Variants in RASGRP1 observed in about 807,000 individuals in gnomAD.
The protein encoded by RASGRP1 is RAS guanyl-releasing protein 1.
Under a neutral mutation model 95.1 loss-of-function variants are expected in RASGRP1, and 37 were observed. The ratio of observed to expected loss-of-function variants is 0.39; its 90% CI spans 0.30 to 0.51. The LOEUF is 0.51. Among genes scored for constraint, RASGRP1 ranks in the 20% least tolerant of loss-of-function variants. The probability of loss-of-function intolerance (pLI) is 0.80; values close to 1 mark genes in which losing one functional copy is unlikely to be tolerated. For missense variants in RASGRP1, 711 were observed against 965.4 expected (o/e 0.74, Z 3.49); for synonymous variants, 325 against 353.4 (o/e 0.92, Z 0.90).
chr15:38,551,369 C>T (rs180995890), intron 2 of RASGRP1, among the ~76,000 whole-genome samples: 11 of 152,280 alleles, frequency 7.2e-5, no homozygotes, highest in African/African-American at 1.9e-4. Context: ...GGTATCACAG[C>T]GAGAAACGGA....
At chr15:38,518,471 C>G (rs1407223274) in intron 4 of RASGRP1, 48 bp from the exon 5 acceptor site, 1 of 1,566,584 alleles carries the variant, frequency 6.4e-7, no homozygotes, top group South Asian at 1.2e-5. Context: ...ATACCAAGGA[C>G]TCACAATTTG....
intron 7 of RASGRP1, 42 bp from the exon 8 acceptor site, chr15:38,511,762 G>T: frequency 6.7e-7 from 1 of 1,490,658 alleles, no homozygotes; most frequent in Non-Finnish European, 9.4e-7. Flanking sequence ...CACTGTACAT[G>T]TCAGTTATAT....
intron 2 of RASGRP1, among the ~76,000 whole-genome samples, chr15:38,536,023 C>T (rs1892629553): frequency 6.6e-6 from 1 of 152,198 alleles, no homozygotes; most frequent in Admixed American, 6.5e-5. Context: ...ACCCAGTGAG[C>T]TGACTCTGGG....
At chr15:38,546,901 T>G (rs1893126923) in intron 2 of RASGRP1, among the ~76,000 whole-genome samples, 6 of 152,228 alleles carry the variant, frequency 3.9e-5, no homozygotes, top group Admixed American at 3.9e-4. Context: ...AAGCACTATT[T>G]TTAAACTTAA....
chr15:38,508,467 T>G (rs1389999314), intron 8 of RASGRP1, among the ~76,000 whole-genome samples: 1 of 152,220 alleles, frequency 6.6e-6, no homozygotes, highest in Non-Finnish European at 1.5e-5. Context: ...CTGACTATGT[T>G]GCTGGCATGG....
intron 2 of RASGRP1, among the ~76,000 whole-genome samples, chr15:38,534,034 G>C (rs1329007339): frequency 1.3e-5 from 2 of 152,260 alleles, no homozygotes; most frequent in Non-Finnish European, 1.5e-5. Flanking sequence ...GCTGGTGCTT[G>C]CTGGGCTTCC....
chr15:38,535,572 G>T lies in RASGRP1; in HGVS notation c.221-9168C>A, dbSNP rs372879428. On this transcript the variant is annotated intron_variant, in intron 2 of 16. Coordinates refer to ENST00000310803, the MANE Select transcript of RASGRP1 (RefSeq NM_005739.4). ...AATTCACGTCCCCTAAGGGCCCACA[G>T]TGCCTGCGCTGGTCCATCTCTCCCT... 2.6e-5 allele frequency among the ~76,000 whole-genome samples: 4 copies of T among 152,168 alleles called. No homozygotes were observed. The South Asian group carries it at 8.3e-4, about 32-fold the overall frequency.
At chr15:38,514,364 G>A (rs1052346777) in intron 6 of RASGRP1, among the ~76,000 whole-genome samples, 2 of 152,000 alleles carry the variant, frequency 1.3e-5, no homozygotes, top group Non-Finnish European at 2.9e-5. Context: ...CATATATTTT[G>A]AATATATTCA....
At chr15:38,532,397 A>G (rs1429102100) in intron 2 of RASGRP1, among the ~76,000 whole-genome samples, 1 of 152,206 alleles carries the variant, frequency 6.6e-6, no homozygotes, top group Non-Finnish European at 1.5e-5. Flanking sequence ...CTAGAGAAGC[A>G]TATTAATTAA....
rs186664410 is a variant in RASGRP1 at position 38,507,975 on chromosome 15, C to T, written c.993G>A (p.Leu331=). The stretch of plus-strand genomic sequence containing the variant: ...AATTGTCGTAGTTTCTGGAGGAGGA[C>T]AGCAGCTCAGTCATCTCACCGAGAA... ...NKVLGEMTEL[L]SSSRNYDNYR... The change falls in exon 9 of 17, where the codon CTG becomes CTA. Residue 331 remains leucine (L), a synonymous_variant. Coordinates refer to ENST00000310803, the MANE Select transcript of RASGRP1 (RefSeq NM_005739.4). 7.5e-6 allele frequency: 12 copies of T among 1,606,982 alleles called. No homozygotes were observed. Among genetic ancestry groups the T allele is most frequent in the Non-Finnish European group, 1.0e-5 (12 of 1,177,276 alleles).
At chr15:38,542,888 TATATGTGTATATATATAC>T (rs1327512532) in intron 2 of RASGRP1, among the ~76,000 whole-genome samples, 2 of 141,456 alleles carry the variant, frequency 1.4e-5, no homozygotes, top group African/African-American at 2.5e-5. Flanking sequence ...TATATACACA[TATATGTGTATATATATAC>T]ACATATATAT....
chr15:38,563,322 A>G (rs1007401276), intron 1 of RASGRP1, among the ~76,000 whole-genome samples: 3 of 152,206 alleles, frequency 2.0e-5, no homozygotes, highest in African/African-American at 7.2e-5. Context: ...TTTTCCTGTA[A>G]ATGAAAAAAC....
At chr15:38,549,823 G>C (rs1437824355) in intron 2 of RASGRP1, among the ~76,000 whole-genome samples, 1 of 151,054 alleles carries the variant, frequency 6.6e-6, no homozygotes, top group Non-Finnish European at 1.5e-5. Context: ...TACTCTTTGG[G>C]GAAAAAAAAA....
intron 9 of RASGRP1, among the ~76,000 whole-genome samples, chr15:38,507,157 T>C (rs1006758212): frequency 6.6e-6 from 1 of 152,200 alleles, no homozygotes; most frequent in African/African-American, 2.4e-5. Context: ...GTCACACAGC[T>C]GGTAAACTAC....
intron 2 of RASGRP1, among the ~76,000 whole-genome samples, chr15:38,552,102 C>T (rs1333849860): frequency 6.6e-6 from 1 of 152,178 alleles, no homozygotes; most frequent in Non-Finnish European, 1.5e-5. Flanking sequence ...AATACAAACA[C>T]GAAATAACTT....
intron 1 of RASGRP1, 86 bp from the exon 2 acceptor site, chr15:38,560,091 G>A (rs529354261): frequency 4.8e-6 from 6 of 1,243,458 alleles, no homozygotes. Flanking sequence ...ATGGAGATAA[G>A]ACAATTAATC....
intron 2 of RASGRP1, among the ~76,000 whole-genome samples, chr15:38,540,732 T>C (rs1460202069): frequency 6.6e-6 from 1 of 152,228 alleles, no homozygotes; most frequent in Non-Finnish European, 1.5e-5. Flanking sequence ...CAGATATCTT[T>C]AAGGATCCTG....
chr15:38,546,634 C>G (rs984179528), intron 2 of RASGRP1, among the ~76,000 whole-genome samples: 1 of 152,092 alleles, frequency 6.6e-6, no homozygotes, highest in Non-Finnish European at 1.5e-5. Flanking sequence ...ATTAAGACAC[C>G]GGCTAAGGGA....
chr15:38,547,675 C>T (rs1893154636), intron 2 of RASGRP1, among the ~76,000 whole-genome samples: 1 of 152,124 alleles, frequency 6.6e-6, no homozygotes, highest in South Asian at 2.1e-4. Flanking sequence ...AAATTTTTTA[C>T]CATTATTCTC....
Sources: allele counts gnomAD v4.1 joint callset (sites outside exome capture counted in the v4.1 genomes callset), GRCh38; gene constraint gnomAD v4.1.1; transcripts MANE v1.5; gene names NCBI Gene and HGNC (gene_info 2026-07-23, HGNC 2026-07-21).